The following WWOX variants were observed in gnomAD, a reference collection of about 807,000 sequenced individuals.
The protein encoded by WWOX is WW domain containing oxidoreductase.
In WWOX, 69 loss-of-function variants were observed where a neutral mutation model predicts 46.2. That is an observed-to-expected ratio of 1.49 (90% CI 1.23 to 1.82). The LOEUF is 1.82. Among genes scored for constraint, WWOX ranks in the 40% most tolerant of loss-of-function variants. WWOX has a pLI of 0.00. For missense variants in WWOX, 919 were observed against 542.6 expected (o/e 1.69, Z -6.89); for synonymous variants, 359 against 202.6 (o/e 1.77, Z -6.56).
chr16:78,163,879 G>C (rs1056661028), intron 4 of WWOX, among the ~76,000 whole-genome samples: 5 of 152,158 alleles, frequency 3.3e-5, no homozygotes, highest in African/African-American at 7.2e-5. Flanking sequence ...CCTAGGACAA[G>C]TTTTCTCACC....
intron 8 of WWOX, among the ~76,000 whole-genome samples, chr16:78,757,761 T>C (rs1318188412): frequency 6.6e-6 from 1 of 151,998 alleles, no homozygotes; most frequent in African/African-American, 2.4e-5. Flanking sequence ...ATAATCTTTC[T>C]GATTGACAGA....
At position 78,432,768 on chromosome 16, in the gene WWOX, C is replaced by A. The variant is rs1045551368; in HGVS notation, c.1056+16C>A. 1.2e-6 allele frequency: 2 copies of A among 1,614,094 alleles called. No homozygotes were observed. The highest frequency in any genetic ancestry group is 1.7e-6 in the Non-Finnish European group (2 of 1,180,018). ...CAAGTCCATGGTAAGAGAACAGCTT[C>A]TGGCGCCGCAAACACCTTGGGTCCT... On this transcript the variant is annotated intron_variant, in intron 8 of 8. Coordinates refer to ENST00000566780, the MANE Select transcript of WWOX (RefSeq NM_016373.4).
intron 8 of WWOX, among the ~76,000 whole-genome samples, chr16:79,056,398 C>T (rs143445253): frequency 5.9e-5 from 9 of 152,232 alleles, no homozygotes; most frequent in East Asian, 1.9e-4. Context: ...AGAGTAGTGT[C>T]GTGAATGAGG....
chr16:78,818,280 A>G (rs537536683), intron 8 of WWOX, among the ~76,000 whole-genome samples: 70 of 152,306 alleles, frequency 4.6e-4, no homozygotes, highest in African/African-American at 1.7e-3. Context: ...TCTACTTTCC[A>G]GTGTGGACAA....
At chr16:79,051,965 C>T (rs1006171317) in intron 8 of WWOX, among the ~76,000 whole-genome samples, 9 of 152,158 alleles carry the variant, frequency 5.9e-5, no homozygotes, top group Non-Finnish European at 4.4e-5. Context: ...TTACCTTTCT[C>T]AGCATTCCAC....
chr16:79,138,651 C>T (rs2050029316), intron 8 of WWOX, among the ~76,000 whole-genome samples: 1 of 152,196 alleles, frequency 6.6e-6, no homozygotes, highest in African/African-American at 2.4e-5. Flanking sequence ...TTAGAGGGGT[C>T]CTCCATGTAC....
At chr16:79,153,249 A>T (rs2050316349) in intron 8 of WWOX, among the ~76,000 whole-genome samples, 1 of 151,878 alleles carries the variant, frequency 6.6e-6, no homozygotes, top group Non-Finnish European at 1.5e-5. Context: ...CTAAAGTTTG[A>T]CCCCAGTCCT....
At chr16:78,557,943 C>T (rs1261096361) in intron 8 of WWOX, among the ~76,000 whole-genome samples, 1 of 152,070 alleles carries the variant, frequency 6.6e-6, no homozygotes, top group Non-Finnish European at 1.5e-5. Flanking sequence ...GTGATCTGCC[C>T]ACCTTGGCCT....
intron 8 of WWOX, among the ~76,000 whole-genome samples, chr16:78,596,499 C>G (rs2045494420): frequency 6.6e-6 from 1 of 151,286 alleles, no homozygotes; most frequent in Non-Finnish European, 1.5e-5. Flanking sequence ...GCTAAGGTGA[C>G]TTCCAAGATT....
chr16:79,098,016 T>C (rs8048899), intron 8 of WWOX, among the ~76,000 whole-genome samples: 19,394 of 152,132 alleles, frequency 0.13, 1,268 homozygotes, highest in East Asian at 0.15. Context: ...AGCATTAATA[T>C]GTCTGGAACA....
At chr16:78,366,789 A>G (rs185099640) in intron 5 of WWOX, among the ~76,000 whole-genome samples, 40 of 152,254 alleles carry the variant, frequency 2.6e-4, no homozygotes, top group East Asian at 3.9e-4. Flanking sequence ...TTTGGAAAGA[A>G]AAGTATGTTA....
At chr16:78,552,850 G>A (rs1365275010) in intron 8 of WWOX, 1 of 152,184 alleles carries the variant, frequency 6.6e-6, no homozygotes, top group Non-Finnish European at 1.5e-5. Flanking sequence ...AGGCCAAGAT[G>A]AGGAAATGAC....
At chr16:78,740,222 G>C (rs1267873973) in intron 8 of WWOX, among the ~76,000 whole-genome samples, 1 of 152,190 alleles carries the variant, frequency 6.6e-6, no homozygotes, top group Non-Finnish European at 1.5e-5. Flanking sequence ...ATGGGACTCA[G>C]GAAGGCTGGA....
At chr16:78,407,207 C>G (rs999118262) in intron 6 of WWOX, among the ~76,000 whole-genome samples, 2 of 152,130 alleles carry the variant, frequency 1.3e-5, no homozygotes, top group Non-Finnish European at 2.9e-5. Flanking sequence ...TGAACACCAG[C>G]AAAGACTAAG....
At chr16:78,277,161 T>C (rs1313164826) in intron 5 of WWOX, among the ~76,000 whole-genome samples, 3 of 152,172 alleles carry the variant, frequency 2.0e-5, no homozygotes, top group African/African-American at 7.2e-5. Context: ...GTTTAAATCT[T>C]ATTTAAATCG....
intron 4 of WWOX, among the ~76,000 whole-genome samples, chr16:78,128,973 TAC>T (rs1378339254): frequency 6.6e-6 from 1 of 152,180 alleles, no homozygotes; most frequent in Non-Finnish European, 1.5e-5. Context: ...TAAGTTCACG[TAC>T]AGTTACTAGA....
At chr16:78,919,920 T>G (rs1367243019) in intron 8 of WWOX, among the ~76,000 whole-genome samples, 1 of 152,178 alleles carries the variant, frequency 6.6e-6, no homozygotes, top group African/African-American at 2.4e-5. Flanking sequence ...TGACCACTTC[T>G]GAGCTAAAAA....
chr16:78,758,707 C>T (rs558526542), intron 8 of WWOX, among the ~76,000 whole-genome samples: 5 of 152,112 alleles, frequency 3.3e-5, no homozygotes, highest in Admixed American at 6.5e-5. Context: ...TATTGATTGA[C>T]CTCTCTGAGC....
intron 8 of WWOX, among the ~76,000 whole-genome samples, chr16:78,924,386 G>C (rs192413859): frequency 6.6e-6 from 1 of 152,142 alleles, no homozygotes; most frequent in Non-Finnish European, 1.5e-5. Flanking sequence ...AATGGAACTT[G>C]TCTATCCACA....
Sources: gnomAD v4.1 joint callset for allele counts (sites outside exome capture counted in the v4.1 genomes callset) on GRCh38, gnomAD v4.1.1 for gene constraint, MANE v1.5 for transcripts, NCBI Gene and HGNC (gene_info 2026-07-23, HGNC 2026-07-21) for gene names.